Variants in C4orf51 observed in about 807,000 individuals in gnomAD.
C4orf51 encodes the protein chromosome 4 open reading frame 51.
A neutral mutation model predicts 25.2 loss-of-function variants in C4orf51; 25 were observed. The observed-to-expected ratio is 0.99, with a 90% confidence interval of 0.72 to 1.39. C4orf51 has a LOEUF of 1.39. C4orf51 is among the 40% of genes most tolerant of loss of function. The pLI, the probability that C4orf51 is intolerant of heterozygous loss-of-function variation, is 0.00. For missense variants in C4orf51, 252 were observed against 239.6 expected (o/e 1.05, Z -0.34); for synonymous variants, 100 against 84.5 (o/e 1.18, Z -1.01).
chr4:145,747,706 T>TTTCC (rs1268546164), intron 1 of C4orf51, among the ~76,000 whole-genome samples: 5 of 128,186 alleles, frequency 3.9e-5, no homozygotes, highest in East Asian at 2.6e-4. Context: ...TCCTTCCTTC[T>TTTCC]TTCCTTCCTT....
At chr4:145,735,617 C>CA, downstream of C4orf51, among the ~76,000 whole-genome samples, 1 of 152,280 alleles carries the variant, frequency 6.6e-6, no homozygotes, top group Non-Finnish European at 1.5e-5. Context: ...AGAAGGCTGT[C>CA]ACTTTTTGAA....
At chr4:145,687,051 G>A (rs1189555582) in intron 1 of C4orf51, among the ~76,000 whole-genome samples, 1 of 151,954 alleles carries the variant, frequency 6.6e-6, no homozygotes. Flanking sequence ...TAAATCTTGG[G>A]GCCCCCAAAT....
intron 3 of C4orf51, 117 bp downstream of exon 3, chr4:145,727,086 A>G (rs1271389900): frequency 2.7e-6 from 2 of 741,190 alleles, no homozygotes; most frequent in East Asian, 2.6e-5. Context: ...AATATTCACC[A>G]AACGTTTATT....
downstream of C4orf51, among the ~76,000 whole-genome samples, chr4:145,736,041 C>T (rs1191266119): frequency 6.6e-6 from 1 of 152,002 alleles, no homozygotes; most frequent in African/African-American, 2.4e-5. Flanking sequence ...GCCCTCTCCT[C>T]CCCTAACCCC....
intron 2 of C4orf51, among the ~76,000 whole-genome samples, chr4:145,709,012 G>T (rs1340303508): frequency 6.6e-6 from 1 of 152,198 alleles, no homozygotes; most frequent in Non-Finnish European, 1.5e-5. Context: ...AGTAATGGAG[G>T]CTACAGGAAG....
At chr4:145,741,286 A>C (rs1249363056) in intron 1 of C4orf51, among the ~76,000 whole-genome samples, 1 of 151,868 alleles carries the variant, frequency 6.6e-6, no homozygotes, top group Non-Finnish European at 1.5e-5. Flanking sequence ...TTATTTTATA[A>C]CTCTTGCCAC....
intron 2 of C4orf51, among the ~76,000 whole-genome samples, chr4:145,706,853 C>T (rs544895462): frequency 6.9e-4 from 104 of 150,452 alleles, no homozygotes; most frequent in African/African-American, 2.4e-3. Context: ...CTCTTGTCGC[C>T]CAGGCTAGAG....
chr4:145,730,310 T>C (rs937305755), intron 5 of C4orf51, among the ~76,000 whole-genome samples: 2 of 152,132 alleles, frequency 1.3e-5, no homozygotes, highest in African/African-American at 2.4e-5. Context: ...TCTCAGATAG[T>C]CCTGCCCTGC....
At chr4:145,689,699 C>A (rs913504022) in intron 1 of C4orf51, among the ~76,000 whole-genome samples, 1 of 151,704 alleles carries the variant, frequency 6.6e-6, no homozygotes, top group South Asian at 2.1e-4. Context: ...AATAAAGAAC[C>A]CAGAAATTAA....
At chr4:145,696,747 T>C in intron 2 of C4orf51, 115 bp downstream of exon 2, 1 of 790,326 alleles carries the variant, frequency 1.3e-6, no homozygotes, top group Non-Finnish European at 2.0e-6. Flanking sequence ...AAATAAAAAT[T>C]GTAGGCCGGG....
At chr4:145,770,240 A>G (rs1372810738) in intron 1 of C4orf51, among the ~76,000 whole-genome samples, 1 of 152,108 alleles carries the variant, frequency 6.6e-6, no homozygotes, top group Non-Finnish European at 1.5e-5. Flanking sequence ...TGGAGGTTGC[A>G]GTGAGCCAAG....
downstream of C4orf51, among the ~76,000 whole-genome samples, chr4:145,736,036 C>G (rs1162608215): frequency 2.0e-5 from 3 of 152,054 alleles, no homozygotes; most frequent in Non-Finnish European, 2.9e-5. Flanking sequence ...TTTAGGCCCT[C>G]TCCTCCCCTA....
intron 1 of C4orf51, among the ~76,000 whole-genome samples, chr4:145,692,321 G>A (rs1729633061): frequency 1.3e-5 from 2 of 152,160 alleles, no homozygotes; most frequent in Admixed American, 1.3e-4. Flanking sequence ...GTGACATGCT[G>A]TATAATTCTG....
intron 1 of C4orf51, among the ~76,000 whole-genome samples, chr4:145,696,056 G>T (rs1730029221): frequency 6.6e-6 from 1 of 152,198 alleles, no homozygotes; most frequent in Admixed American, 6.5e-5. Flanking sequence ...GAGGTGAAGA[G>T]ATTGAGATCA....
the C4orf51 span, chr4:145,779,487 G>A: frequency 6.2e-7 from 1 of 1,614,188 alleles, no homozygotes; most frequent in Non-Finnish European, 8.5e-7. Flanking sequence ...TCCATTTCCT[G>A]CCTCTAGGAC....
In C4orf51 at chr4:145,769,022, T is replaced by C. The variant is rs1460336742; in HGVS notation, n.167-1966T>C. 2.0e-5 allele frequency among the ~76,000 whole-genome samples: 3 copies of C among 149,316 alleles called. No homozygotes were observed. The South Asian group carries it at 6.4e-4, about 32-fold the overall frequency. On this transcript the variant is annotated intron_variant and non_coding_transcript_variant, in intron 1 of 1. Transcript: ENST00000510096. Reference sequence around the variant, plus strand: ...CTTTTATTCCATTTTCAAAATTTTCTAGAGTGACCATATTTTTAAAAGTTT... The same window carrying C: ...CTTTTATTCCATTTTCAAAATTTTCCAGAGTGACCATATTTTTAAAAGTTT...
In C4orf51 at chr4:145,765,476, G is replaced by C. The variant is rs1735148406; in HGVS notation, n.167-5512G>C. The C allele has an allele frequency of 6.6e-7, 1 of 1,520,922 alleles. No homozygotes were observed. The highest frequency in any genetic ancestry group is 1.4e-5 in the African/African-American group (1 of 72,190). The allele number at this position is 1,520,922 out of a possible 1,614,324, so 94.2% of individuals were successfully genotyped here. On this transcript the variant is annotated intron_variant and non_coding_transcript_variant, in intron 1 of 1. Coordinates refer to the C4orf51 transcript ENST00000510096. This position sits in a 1 kb window ranked among gnomAD's most constrained non-coding sequence, Gnocchi z 4.7. ...CAGTTTTTGACATCGCTCCTGTGCA[G>C]GGCTTATTCTCAAGAATGGGTCATC... is the stretch of plus-strand genomic sequence containing the variant.
At chr4:145,764,103 TC>T (rs1560885925) in intron 1 of C4orf51, among the ~76,000 whole-genome samples, 2 of 152,184 alleles carry the variant, frequency 1.3e-5, no homozygotes, top group Non-Finnish European at 2.9e-5. Flanking sequence ...AAAGGTTTTT[TC>T]CCCCTTGTGT....
Position 145,761,325 on chromosome 4 carries a change from G to A in C4orf51, n.167-9663G>A. ...GCAGGTTGAGATTGTCCTTGCGCTT[G>A]CAGCTGTAGCTGCACTGGTCACAGT... On this transcript the variant is annotated intron_variant and non_coding_transcript_variant, in intron 1 of 1. Transcript: ENST00000510096. The surrounding 1 kb of genome is among the most constrained non-coding windows in gnomAD (Gnocchi z 6.8). 7.8e-7 allele frequency: 1 copy of A among 1,289,968 alleles called. No homozygotes were observed. The highest frequency in any genetic ancestry group is 1.2e-5 in the South Asian group (1 of 81,036). The allele number at this position is 1,289,968 out of a possible 1,614,324, so 79.9% of individuals were successfully genotyped here.
Sources: gnomAD v4.1 joint callset for allele counts (sites outside exome capture counted in the v4.1 genomes callset) on GRCh38, gnomAD v4.1.1 for gene constraint, Gnocchi (gnomAD v3.1) non-coding constraint, MANE v1.5 for transcripts, NCBI Gene and HGNC (gene_info 2026-07-23, HGNC 2026-07-21) for gene names.